The following FLRT2 variants were observed in gnomAD, a reference collection of about 807,000 sequenced individuals.
FLRT2 encodes the protein fibronectin leucine rich transmembrane protein 2.
A neutral mutation model predicts 40.0 loss-of-function variants in FLRT2; 15 were observed. The ratio of observed to expected loss-of-function variants is 0.38; its 90% CI spans 0.25 to 0.58. The LOEUF (loss-of-function observed/expected upper bound fraction) is 0.58. Ranked by LOEUF, FLRT2 falls within the 20% of genes least tolerant of loss-of-function variation. The pLI, the probability that FLRT2 is intolerant of heterozygous loss-of-function variation, is 0.71. For missense variants in FLRT2, 726 were observed against 840.0 expected, an observed-to-expected ratio of 0.86 and a Z score of 1.68; for synonymous variants, 380 against 336.8, an observed-to-expected ratio of 1.13 and a Z score of -1.41.
chr14:85,584,143 C>T (rs531794479), intron 1 of FLRT2, among the ~76,000 whole-genome samples: 26 of 152,228 alleles, frequency 1.7e-4, no homozygotes, highest in Non-Finnish European at 3.2e-4. Flanking sequence ...AATTAAATTG[C>T]TCTATTGTTT....
At chr14:85,546,821 G>A (rs1889306280) in intron 1 of FLRT2, among the ~76,000 whole-genome samples, 1 of 152,134 alleles carries the variant, frequency 6.6e-6, no homozygotes, top group Non-Finnish European at 1.5e-5. Context: ...GGACTTCAGT[G>A]TCACTGTGTT....
In FLRT2 at chr14:85,622,210, C is replaced by G. The variant is rs1306665378; in HGVS notation, c.696C>G (p.Leu232=). 1.9e-6 allele frequency: 3 copies of G among 1,613,964 alleles called. No homozygotes were observed. Among genetic ancestry groups the G allele is most frequent in the Admixed American group, 3.3e-5 (2 of 60,002 alleles). Residue 232 remains leucine, a synonymous_variant, in exon 2 of 2, where the codon CTC becomes CTG. Coordinates refer to ENST00000330753, the MANE Select transcript of FLRT2 (RefSeq NM_013231.6). The stretch of plus-strand genomic sequence containing the variant: ...GCACCTTCAGCCATCTCACCAAGCT[C>G]AAGGAATTTTCAATTGTACGTAATT... ...AEGTFSHLTK[L]KEFSIVRNSL... is the part of the protein sequence containing the mutation.
intron 1 of FLRT2, among the ~76,000 whole-genome samples, chr14:85,611,826 G>C (rs1158040477): frequency 6.6e-6 from 1 of 151,584 alleles, no homozygotes; most frequent in Non-Finnish European, 1.5e-5. Flanking sequence ...CTTTTTTCTG[G>C]AAAAACATCA....
chr14:85,563,657 A>G (rs967055912), intron 1 of FLRT2, among the ~76,000 whole-genome samples: 12 of 152,136 alleles, frequency 7.9e-5, no homozygotes, highest in African/African-American at 2.2e-4. Context: ...ACATGATTCA[A>G]TCACCTCCTT....
At chr14:85,587,723 C>T (rs1448095694) in intron 1 of FLRT2, among the ~76,000 whole-genome samples, 1 of 152,082 alleles carries the variant, frequency 6.6e-6, no homozygotes, top group Non-Finnish European at 1.5e-5. Flanking sequence ...TACATAAAAA[C>T]TCATCGTTGG....
rs4258540 is a variant in FLRT2 at position 85,646,692 on chromosome 14, A to C, written c.*23195A>C. 0.19 allele frequency: 28,823 copies of C among 151,980 alleles called. 2,912 individuals carry two copies. Among genetic ancestry groups the C allele is most frequent in the African/African-American group, 0.25 (10,170 of 41,388 alleles). The allele number at this position is 151,980 out of a possible 1,614,324, so 9.4% of individuals were successfully genotyped here. A position where few individuals can be genotyped will look rare whatever the true frequency, so the allele number is the denominator to read the frequency against. The stretch of plus-strand genomic sequence containing the variant: ...AGTGCAGTGGCACAATCTTGGCTCA[A>C]TGCAACCTCCTTCTCCCAGGTTCAA... On this transcript the variant is annotated 3_prime_UTR_variant, in exon 2 of 2. Coordinates refer to ENST00000330753, the MANE Select transcript of FLRT2 (RefSeq NM_013231.6).
At position 85,621,769 on chromosome 14, in the gene FLRT2, C is replaced by A. The variant is rs746240615; in HGVS notation, c.255C>A (p.His85Gln). 116 of 1,614,112 alleles carry A rather than the reference C, an allele frequency of 7.2e-5. No homozygotes were observed. Among genetic ancestry groups the A allele is most frequent in the Non-Finnish European group, 9.7e-5 (114 of 1,180,050 alleles). Residue 85 changes from histidine to glutamine, a missense_variant, in exon 2 of 2, where the codon CAC (histidine) becomes CAA (glutamine). His to Gln is a conservative substitution (Grantham distance 24). Coordinates refer to ENST00000330753, the MANE Select transcript of FLRT2 (RefSeq NM_013231.6). ...ATGCTGGATTTCCTGCAGAACTGCA[C>A]AATGTACAGTCGGTGCACACGGTCT... ...INNAGFPAEL[H>Q]NVQSVHTVYL...
chr14:85,609,406 A>T (rs1224972668), intron 1 of FLRT2, among the ~76,000 whole-genome samples: 1 of 152,200 alleles, frequency 6.6e-6, no homozygotes. Context: ...GATTATTCCC[A>T]TATTCTGAAT....
At chr14:85,575,849 G>A (rs1172234007) in intron 1 of FLRT2, among the ~76,000 whole-genome samples, 1 of 152,158 alleles carries the variant, frequency 6.6e-6, no homozygotes, top group Non-Finnish European at 1.5e-5. Flanking sequence ...CTGTAAAGAA[G>A]TGATAATGCC....
At chr14:85,531,417 G>T (rs1566710437) in intron 1 of FLRT2, among the ~76,000 whole-genome samples, 1 of 152,154 alleles carries the variant, frequency 6.6e-6, no homozygotes, top group African/African-American at 2.4e-5. Flanking sequence ...TACGGGGCTC[G>T]CTCCCGCACT....
At chr14:85,605,340 G>A (rs1320499380) in intron 1 of FLRT2, among the ~76,000 whole-genome samples, 1 of 152,178 alleles carries the variant, frequency 6.6e-6, no homozygotes, top group African/African-American at 2.4e-5. Flanking sequence ...GCCTCAAAAA[G>A]TCATAGATTT....
chr14:85,622,669 C>T lies in FLRT2; in HGVS notation c.1155C>T (p.Thr385=). 1.2e-6 allele frequency: 2 copies of T among 1,613,980 alleles called. No individual in the cohort carries two copies. Among genetic ancestry groups the T allele is most frequent in the Non-Finnish European group, 1.7e-6 (2 of 1,180,020 alleles). The part of the protein sequence containing the change: ...STASPTTQPP[T]LSIPNPSRSY... ...CTTCTCCGACCACTCAGCCTCCCAC[C>T]CTCTCTATTCCAAACCCTAGCAGAA... Residue 385 remains threonine, a synonymous_variant, in exon 2 of 2, where the codon ACC becomes ACT. Transcript: ENST00000330753.
intron 1 of FLRT2, among the ~76,000 whole-genome samples, chr14:85,596,409 C>T (rs1376549094): frequency 6.6e-6 from 1 of 152,204 alleles, no homozygotes. Context: ...TGAGGAGCTC[C>T]AGCACATTTG....
At position 85,632,102 on chromosome 14, in the gene FLRT2, A is replaced by C. The variant is rs571562278; in HGVS notation, c.*8605A>C. ...AGGCCTCCCAAAGTGCTGGGATTAC[A>C]GGTGTGAGCCACTGCGCCCAGCCAA... On this transcript the variant is annotated 3_prime_UTR_variant, in exon 2 of 2. Coordinates refer to ENST00000330753, the MANE Select transcript of FLRT2 (RefSeq NM_013231.6). 6.6e-6 allele frequency: 1 copy of C among 152,294 alleles called. No individual in the cohort carries two copies. Among genetic ancestry groups the C allele is most frequent in the South Asian group, 2.1e-4 (1 of 4,814 alleles). The allele number at this position is 152,294 out of a possible 1,614,324, so 9.4% of individuals were successfully genotyped here.
chr14:85,574,652 T>C (rs1408866267), intron 1 of FLRT2, among the ~76,000 whole-genome samples: 1 of 84,152 alleles, frequency 1.2e-5, no homozygotes, highest in Non-Finnish European at 2.8e-5. Context: ...AAATTGAAGA[T>C]TTTTTTTTTA....
chr14:85,550,689 A>T (rs1206806866), intron 1 of FLRT2, among the ~76,000 whole-genome samples: 2 of 152,176 alleles, frequency 1.3e-5, no homozygotes, highest in African/African-American at 2.4e-5. Flanking sequence ...CTTATCCACA[A>T]TCTAGAAATG....
At chr14:85,564,187 A>G (rs1035283983) in intron 1 of FLRT2, among the ~76,000 whole-genome samples, 4 of 152,190 alleles carry the variant, frequency 2.6e-5, no homozygotes, top group Admixed American at 2.6e-4. Context: ...CATAGGGAAT[A>G]TTTCAGCCAA....
rs974975672 is a variant in FLRT2 at position 85,626,389 on chromosome 14, G to C, written c.*2892G>C. On this transcript the variant is annotated 3_prime_UTR_variant, in exon 2 of 2. Transcript: ENST00000330753. ...ACAGGCCAAGACCATGGGAAAAAAA[G>C]CCATGCTCACTGGCCAATAAAGAGC... 2 of 167,052 alleles carry C rather than the reference G, an allele frequency of 1.2e-5. No individual in the cohort carries two copies. Among genetic ancestry groups the C allele is most frequent in the Non-Finnish European group, 2.9e-5 (2 of 68,134 alleles). The allele number at this position is 167,052 out of a possible 1,614,324, so 10.3% of individuals were successfully genotyped here.
intron 1 of FLRT2, among the ~76,000 whole-genome samples, chr14:85,565,876 T>G (rs1010782636): frequency 1.3e-5 from 2 of 152,214 alleles, no homozygotes; most frequent in African/African-American, 4.8e-5. Context: ...CTTATCTTAA[T>G]GGAGAAAACA....
Sources: gnomAD v4.1 joint callset for allele counts (sites outside exome capture counted in the v4.1 genomes callset) on GRCh38, gnomAD v4.1.1 for gene constraint, MANE v1.5 for transcripts, NCBI Gene and HGNC (gene_info 2026-07-23, HGNC 2026-07-21) for gene names.